Variants in KIF25 observed in about 807,000 individuals in gnomAD.
KIF25 encodes the protein kinesin family member 25.
In KIF25, 19 loss-of-function variants were observed where a neutral mutation model predicts 32.9. The ratio of observed to expected loss-of-function variants is 0.58; its 90% CI spans 0.40 to 0.85. The LOEUF (loss-of-function observed/expected upper bound fraction) is 0.85, where lower values mean the gene tolerates loss of function less well. Among genes scored for constraint, KIF25 ranks in the 40% least tolerant of loss-of-function variants. The pLI is 0.00. For missense variants in KIF25, 485 were observed against 507.0 expected, an observed-to-expected ratio of 0.96 and a Z score of 0.42; for synonymous variants, 225 against 213.7, an observed-to-expected ratio of 1.05 and a Z score of -0.46.
rs1475848955 is a variant in KIF25, at chr6:167,998,050, G to A, written c.-1419G>A. ...CCAAGTACTTTTGAAACCATTTGGT[G>A]TATTTTCTTATTTAATCTTCACAAT... On this transcript the variant is annotated 5_prime_UTR_variant, in exon 1 of 13. Transcript: ENST00000643607. Among the ~76,000 whole-genome samples, 2 of 152,082 alleles carry A rather than the reference G, an allele frequency of 1.3e-5. No homozygotes were observed. The highest frequency in any genetic ancestry group is 4.8e-5 in the African/African-American group (2 of 41,378).
intron 12 of KIF25, among the ~76,000 whole-genome samples, chr6:168,044,593 G>C (rs989097234): frequency 6.6e-6 from 1 of 151,354 alleles, no homozygotes; most frequent in Non-Finnish European, 1.5e-5. Flanking sequence ...GGAGGGTGAG[G>C]GGTGCTAGTG....
Position 168,030,819 on chromosome 6 carries a change from T to A in KIF25, c.139T>A (p.Cys47Ser), listed in dbSNP as rs767006965. ...ESQSAVFGDV[C>S]PLLTSLLDGY... The stretch of plus-strand genomic sequence containing the variant: ...TCAGAGCGCGGTCTTTGGAGATGTG[T>A]GCCCCCTACTCACTTCTCTCTTGGA... The change falls in exon 7 of 13, where the codon TGC becomes AGC. Residue 47 changes from cysteine (C) to serine (S), a missense_variant. Cys to Ser is a moderately radical substitution (Grantham distance 112). Coordinates refer to ENST00000643607, the MANE Select transcript of KIF25 (RefSeq NM_030615.4). The A allele has an allele frequency of 7.4e-6, 12 of 1,613,396 alleles. No individual in the cohort carries two copies. Among genetic ancestry groups the A allele is most frequent in the Non-Finnish European group, 1.0e-5 (12 of 1,179,690 alleles).
chr6:168,041,062 G>A (rs1032542341), intron 10 of KIF25, among the ~76,000 whole-genome samples: 1 of 152,176 alleles, frequency 6.6e-6, no homozygotes, highest in African/African-American at 2.4e-5. Flanking sequence ...TGCGGCTCCG[G>A]GGACCACACC....
At chr6:168,013,046 A>G (rs1257657714) in intron 4 of KIF25, among the ~76,000 whole-genome samples, 1 of 151,596 alleles carries the variant, frequency 6.6e-6, no homozygotes, top group Non-Finnish European at 1.5e-5. Context: ...ATGCTTACTG[A>G]TGGTGGCTGA....
intron 11 of KIF25, 48 bp from the exon 12 acceptor site, chr6:168,042,513 C>T (rs1799139676): frequency 6.3e-7 from 1 of 1,579,520 alleles, no homozygotes; most frequent in Non-Finnish European, 8.6e-7. Context: ...GCTTTTCCTG[C>T]CTCCTTTCTT....
chr6:168,009,009 A>T, intron 4 of KIF25, among the ~76,000 whole-genome samples: 1 of 152,136 alleles, frequency 6.6e-6, no homozygotes, highest in East Asian at 1.9e-4. Flanking sequence ...ATATCAGATC[A>T]TGTTATCTTC....
chr6:168,006,540 C>T (rs915440950), intron 4 of KIF25, among the ~76,000 whole-genome samples: 5 of 152,164 alleles, frequency 3.3e-5, no homozygotes, highest in Non-Finnish European at 7.3e-5. Context: ...ACGTCTTGTG[C>T]TGTTTCCCCC....
intron 5 of KIF25, among the ~76,000 whole-genome samples, chr6:168,019,116 G>A (rs1303457386): frequency 1.3e-5 from 2 of 152,188 alleles, no homozygotes; most frequent in African/African-American, 4.8e-5. Flanking sequence ...TGCAAGCCTC[G>A]AGGGGTCAAG....
intron 4 of KIF25, among the ~76,000 whole-genome samples, chr6:168,014,535 A>C (rs1450690481): frequency 6.6e-6 from 1 of 152,212 alleles, no homozygotes; most frequent in East Asian, 1.9e-4. Context: ...CATGCCATCA[A>C]ATCTGCTGAG....
intron 4 of KIF25, among the ~76,000 whole-genome samples, chr6:168,006,004 T>TCTCAC (rs1562380408): frequency 2.0e-5 from 3 of 152,104 alleles, no homozygotes; most frequent in Non-Finnish European, 4.4e-5. Context: ...GCGGCTCTCA[T>TCTCAC]GGGAGGGTCA....
chr6:168,004,941 A>T (rs1798558883), intron 4 of KIF25, among the ~76,000 whole-genome samples: 2 of 152,184 alleles, frequency 1.3e-5, no homozygotes, highest in African/African-American at 2.4e-5. Context: ...AAAGGAGAGA[A>T]AACCATCTGC....
chr6:168,039,397 C>G (rs2114911558), intron 9 of KIF25, among the ~76,000 whole-genome samples: 1 of 152,354 alleles, frequency 6.6e-6, no homozygotes, highest in Non-Finnish European at 1.5e-5. Flanking sequence ...TCCCTATTGT[C>G]AAATCCACAT....
At chr6:168,008,621 A>G (rs1798607763) in intron 4 of KIF25, among the ~76,000 whole-genome samples, 1 of 152,124 alleles carries the variant, frequency 6.6e-6, no homozygotes, top group South Asian at 2.1e-4. Flanking sequence ...TGTCATTGGT[A>G]TTTTGATAAG....
chr6:168,000,261 T>C (rs1246484028), intron 2 of KIF25, among the ~76,000 whole-genome samples: 1 of 60,054 alleles, frequency 1.7e-5, no homozygotes, highest in Non-Finnish European at 3.1e-5. Context: ...CGCCTGACCT[T>C]CTCGCCCTCC....
chr6:167,998,773 C>G lies in KIF25; in HGVS notation c.-696C>G, dbSNP rs555934838. 3 of 152,274 alleles carry G rather than the reference C, an allele frequency of 2.0e-5. No individual in the cohort carries two copies. Among genetic ancestry groups the G allele is most frequent in the East Asian group, 3.9e-4 (2 of 5,174 alleles). 9.4% of individuals were successfully genotyped at this position (152,274 alleles called of 1,614,324 possible). On this transcript the variant is annotated 5_prime_UTR_variant, in exon 1 of 13. Transcript: ENST00000643607. ...GAAGTTTAAAATAACTGTTCATGGC[C>G]GGGCACGGTGGCTCATGCCTATAAT...
At chr6:168,037,190 G>A (rs1376948611) in intron 8 of KIF25, among the ~76,000 whole-genome samples, 2 of 152,180 alleles carry the variant, frequency 1.3e-5, no homozygotes, top group Non-Finnish European at 2.9e-5. Context: ...TCCAAATCTT[G>A]ATGCTTTGCC....
chr6:168,035,620 C>CGGAT (rs918392278), intron 8 of KIF25: 19 of 441,778 alleles, frequency 4.3e-5, no homozygotes, highest in African/African-American at 3.6e-4. Context: ...CTCCAGAAAC[C>CGGAT]GGATAATCAG....
At chr6:168,016,915 C>T (rs1271819701) in intron 4 of KIF25, among the ~76,000 whole-genome samples, 1 of 152,272 alleles carries the variant, frequency 6.6e-6, no homozygotes, top group African/African-American at 2.4e-5. Flanking sequence ...GGCTGGCGTT[C>T]CGTCATTGCT....
At chr6:168,038,448 C>A in intron 8 of KIF25, 105 bp from the exon 9 acceptor site, 1 of 1,105,374 alleles carries the variant, frequency 9.0e-7, no homozygotes, top group Non-Finnish European at 1.3e-6. Flanking sequence ...CGGACCCCAG[C>A]AGTCTTACTG....
Sources: allele counts gnomAD v4.1 joint callset (sites outside exome capture counted in the v4.1 genomes callset), GRCh38; gene constraint gnomAD v4.1.1; transcripts MANE v1.5; gene names NCBI Gene and HGNC (gene_info 2026-07-23, HGNC 2026-07-21).